Variants in CAMK1D observed in about 807,000 individuals in gnomAD.
CAMK1D encodes the protein calcium/calmodulin-dependent protein kinase type 1D.
CAMK1D carries 9 observed loss-of-function variants against 47.7 expected under a neutral mutation model. The ratio of observed to expected loss-of-function variants is 0.19; its 90% confidence interval spans 0.11 to 0.33. The LOEUF (loss-of-function observed/expected upper bound fraction) is 0.33. Ranked by LOEUF, CAMK1D falls within the 10% of genes least tolerant of loss-of-function variation. The pLI is 1.00. For synonymous variants in CAMK1D, 184 were observed against 184.9 expected, an observed-to-expected ratio of 0.99 and a Z score of 0.04; for missense variants, 291 against 488.7, an observed-to-expected ratio of 0.60 and a Z score of 3.81.
At chr10:12,566,590 A>T (rs568302932) in intron 2 of CAMK1D, among the ~76,000 whole-genome samples, 2 of 152,312 alleles carry the variant, frequency 1.3e-5, no homozygotes, top group South Asian at 4.1e-4. Context: ...TCAGATGAGG[A>T]AAGGGGTGCA....
intron 1 of CAMK1D, among the ~76,000 whole-genome samples, chr10:12,537,080 C>CT (rs368473367): frequency 3.2e-4 from 48 of 151,286 alleles, no homozygotes; most frequent in East Asian, 1.4e-3. Flanking sequence ...TTTTCTTCTT[C>CT]TTTTTTTTTG....
chr10:12,589,924 C>T (rs1385114029), intron 2 of CAMK1D, among the ~76,000 whole-genome samples: 1 of 152,038 alleles, frequency 6.6e-6, no homozygotes, highest in African/African-American at 2.4e-5. Context: ...TAGAGACCTG[C>T]TAGGGTAACT....
chr10:12,380,652 C>A (rs187107232), intron 1 of CAMK1D, among the ~76,000 whole-genome samples: 1 of 152,096 alleles, frequency 6.6e-6, no homozygotes, highest in Non-Finnish European at 1.5e-5. Flanking sequence ...GGTCAGAGAT[C>A]GAGACCATCC....
chr10:12,369,757 A>G (rs1837951577), intron 1 of CAMK1D, among the ~76,000 whole-genome samples: 2 of 152,022 alleles, frequency 1.3e-5, no homozygotes, highest in South Asian at 4.2e-4. Flanking sequence ...TCAGGAGGTC[A>G]AGACCAGCCT....
intron 2 of CAMK1D, among the ~76,000 whole-genome samples, chr10:12,575,172 A>C (rs553689307): frequency 3.3e-5 from 5 of 152,118 alleles, no homozygotes; most frequent in African/African-American, 9.6e-5. Flanking sequence ...GGCTCACTGC[A>C]ACCTCTGCTG....
At chr10:12,382,036 G>C (rs74877591) in intron 1 of CAMK1D, among the ~76,000 whole-genome samples, 1 of 152,076 alleles carries the variant, frequency 6.6e-6, no homozygotes, top group Non-Finnish European at 1.5e-5. Flanking sequence ...GTGAAATGAC[G>C]TAACAAAACC....
intron 1 of CAMK1D, among the ~76,000 whole-genome samples, chr10:12,390,541 C>T (rs150221085): frequency 4.8e-4 from 73 of 152,292 alleles, no homozygotes; most frequent in African/African-American, 1.7e-3. Context: ...AGTTAAGCCC[C>T]ATTATTCAAG....
At position 12,475,336 on chromosome 10, in the gene CAMK1D, A is replaced by T. The variant is rs75136042; in HGVS notation, c.93-77889A>T. Among the ~76,000 whole-genome samples the T allele has an allele frequency of 3.5e-3, 536 of 152,202 alleles. 4 individuals are homozygous for T. Among genetic ancestry groups the T allele is most frequent in the African/African-American group, 0.012 (494 of 41,530 alleles). ...ACCATTCTGCTTTCTGTCTCCACGA[A>T]TTTGACTACTCTAGGGATCTCATAT... is the stretch of plus-strand genomic sequence containing the variant. On this transcript the variant is annotated intron_variant, in intron 1 of 10. Transcript: ENST00000619168.
chr10:12,667,441 G>T (rs1355384563), intron 3 of CAMK1D, among the ~76,000 whole-genome samples: 1 of 152,152 alleles, frequency 6.6e-6, no homozygotes, highest in African/African-American at 2.4e-5. Context: ...TTCAAATAAA[G>T]ACTTTACTTG....
chr10:12,734,217 A>G (rs1175132945), intron 3 of CAMK1D, among the ~76,000 whole-genome samples: 3 of 149,076 alleles, frequency 2.0e-5, no homozygotes, highest in Non-Finnish European at 3.0e-5. Context: ...AGCTACTCAA[A>G]AGGCTGAAAC....
intron 1 of CAMK1D, among the ~76,000 whole-genome samples, chr10:12,450,230 A>G (rs1194905692): frequency 1.3e-5 from 2 of 152,208 alleles, no homozygotes; most frequent in African/African-American, 4.8e-5. Flanking sequence ...CACAACTAAT[A>G]CAATTAATAC....
intron 1 of CAMK1D, among the ~76,000 whole-genome samples, chr10:12,371,887 G>A (rs528595282): frequency 2.0e-5 from 3 of 151,594 alleles, no homozygotes; most frequent in African/African-American, 7.3e-5. Context: ...GACTGGTCTC[G>A]AACTCCTGAC....
chr10:12,520,928 C>T (rs55850203), intron 1 of CAMK1D, among the ~76,000 whole-genome samples: 1 of 9,600 alleles, frequency 1.0e-4, no homozygotes, highest in Non-Finnish European at 2.0e-4. Flanking sequence ...GGAAGGAGAC[C>T]GTGGGGAGAG....
At chr10:12,401,317 G>A (rs2954990) in intron 1 of CAMK1D, among the ~76,000 whole-genome samples, 3,240 of 14,846 alleles carry the variant, frequency 0.22, 806 homozygotes, top group Middle Eastern at 0.32. Context: ...TATATATTAT[G>A]TATATATTTT....
chr10:12,770,503 G>T (rs1234384322), intron 5 of CAMK1D, among the ~76,000 whole-genome samples: 1 of 152,218 alleles, frequency 6.6e-6, no homozygotes, highest in African/African-American at 2.4e-5. Flanking sequence ...TTCAGCAAAT[G>T]TATGTAAAGT....
intron 2 of CAMK1D, among the ~76,000 whole-genome samples, chr10:12,628,219 C>T (rs1160387826): frequency 3.3e-5 from 5 of 152,092 alleles, no homozygotes; most frequent in African/African-American, 7.2e-5. Flanking sequence ...TAAATATCTA[C>T]GAATGGAATT....
chr10:12,537,863 A>G (rs767021848), intron 1 of CAMK1D, among the ~76,000 whole-genome samples: 12 of 152,194 alleles, frequency 7.9e-5, no homozygotes, highest in East Asian at 1.9e-4. Flanking sequence ...TTCCCCTAAA[A>G]TGTTCCAACA....
intron 8 of CAMK1D, among the ~76,000 whole-genome samples, chr10:12,821,007 T>TGA (rs559935526): frequency 2.2e-4 from 33 of 152,262 alleles, no homozygotes; most frequent in Admixed American, 2.0e-3. Context: ...GAAGAGACGC[T>TGA]GAGAGAGAGA....
chr10:12,552,639 C>G (rs1472180230), intron 1 of CAMK1D, among the ~76,000 whole-genome samples: 2 of 152,188 alleles, frequency 1.3e-5, no homozygotes, highest in Non-Finnish European at 2.9e-5. Context: ...TGTTGTGTGG[C>G]AAGTGGTACC....
Sources: gnomAD v4.1 joint callset for allele counts (sites outside exome capture counted in the v4.1 genomes callset) on GRCh38, gnomAD v4.1.1 for gene constraint, MANE v1.5 for transcripts, NCBI Gene and HGNC (gene_info 2026-07-23, HGNC 2026-07-21) for gene names.